MTA3: variants seen among roughly 807,000 people sequenced by gnomAD.
The protein encoded by MTA3 is metastasis-associated protein MTA3.
In MTA3, 34 loss-of-function variants were observed where a neutral mutation model predicts 83.5. The observed-to-expected ratio is 0.41, with a 90% CI of 0.31 to 0.54. The LOEUF (loss-of-function observed/expected upper bound fraction) is 0.54, where lower values mean the gene tolerates loss of function less well. Among genes scored for constraint, MTA3 ranks in the 20% least tolerant of loss-of-function variants. The probability of loss-of-function intolerance (pLI) is 0.33; values close to 1 mark genes in which losing one functional copy is unlikely to be tolerated. For missense variants in MTA3, 761 were observed against 726.4 expected, an observed-to-expected ratio of 1.05 and a Z score of -0.55; for synonymous variants, 303 against 252.7, an observed-to-expected ratio of 1.20 and a Z score of -1.89.
chr2:42,524,284 T>C (rs537298199), intron 2 of MTA3, among the ~76,000 whole-genome samples: 2 of 152,034 alleles, frequency 1.3e-5, no homozygotes, highest in East Asian at 3.9e-4. Flanking sequence ...TCAGCTTCAA[T>C]GGTTGCAACC....
At chr2:42,547,737 G>GTCTA (rs1361712218) in intron 2 of MTA3, among the ~76,000 whole-genome samples, 8 of 152,158 alleles carry the variant, frequency 5.3e-5, no homozygotes, top group Admixed American at 1.3e-4. Flanking sequence ...TTTCAATCTT[G>GTCTA]TCTATTAAGC....
chr2:42,555,086 G>A (rs1385047708), intron 2 of MTA3, among the ~76,000 whole-genome samples: 2 of 152,080 alleles, frequency 1.3e-5, no homozygotes, highest in African/African-American at 4.8e-5. Context: ...CCAGGAGGAG[G>A]AGGTTGCAGT....
intron 2 of MTA3, among the ~76,000 whole-genome samples, chr2:42,518,968 AAC>A (rs60877713): frequency 0.019 from 2,213 of 114,504 alleles, 28 homozygotes; most frequent in East Asian, 0.043. Flanking sequence ...CCTTTCTCAA[AAC>A]ACACACACAC....
chr2:42,588,135 C>G (rs575020584), intron 3 of MTA3, among the ~76,000 whole-genome samples: 5 of 152,062 alleles, frequency 3.3e-5, no homozygotes, highest in African/African-American at 4.8e-5. Flanking sequence ...GGGGCTTCCT[C>G]TCACTCCAAT....
intron 15 of MTA3, among the ~76,000 whole-genome samples, chr2:42,721,801 A>C (rs764022300): frequency 2.6e-5 from 4 of 152,214 alleles, no homozygotes; most frequent in Admixed American, 2.0e-4. Flanking sequence ...AGTGAGTCCA[A>C]GGACTTGAAA....
At chr2:42,716,636 C>T (rs1667051467) in intron 14 of MTA3, among the ~76,000 whole-genome samples, 1 of 152,186 alleles carries the variant, frequency 6.6e-6, no homozygotes, top group African/African-American at 2.4e-5. Flanking sequence ...CCAGCTCCAT[C>T]CATGTTCCTG....
In MTA3 at chr2:42,578,436, T is replaced by A. The variant is rs141533382; in HGVS notation, c.97-671T>A. Among the ~76,000 whole-genome samples the A allele has an allele frequency of 1.7e-3, 258 of 152,362 alleles. 3 individuals carry two copies. Among genetic ancestry groups the A allele is most frequent in the African/African-American group, 5.8e-3 (241 of 41,584 alleles). On this transcript the variant is annotated intron_variant, in intron 2 of 16. Transcript: ENST00000405094. ...TTGTAGCCAAAAAGAAATGAGAGTTTCAGTGTTCATAACTCAAGGTTTTTA... is the reference window on the plus strand; with the variant it reads ...TTGTAGCCAAAAAGAAATGAGAGTTACAGTGTTCATAACTCAAGGTTTTTA...
intron 16 of MTA3, among the ~76,000 whole-genome samples, chr2:42,733,730 C>T (rs184238759): frequency 2.6e-5 from 4 of 152,224 alleles, no homozygotes; most frequent in Admixed American, 2.0e-4. Context: ...AACTCCTGGA[C>T]TGAAGCAATC....
chr2:42,627,996 C>T lies in MTA3; in HGVS notation c.318-12177C>T, dbSNP rs570366221. ...GACTCCCGGGTTCAAGTGATTCTCC[C>T]GCCTCAGCCTCCTAAGTAGGTGGGA... On this transcript the variant is annotated intron_variant, in intron 4 of 16. Transcript: ENST00000405094. Among the ~76,000 whole-genome samples, 5 of 150,762 alleles carry T rather than the reference C, an allele frequency of 3.3e-5. No homozygotes were observed. In the East Asian group the frequency reaches 5.9e-4, roughly 18 times the overall value.
chr2:42,726,956 G>A (rs538846004), intron 16 of MTA3, among the ~76,000 whole-genome samples: 1 of 152,310 alleles, frequency 6.6e-6, no homozygotes, highest in South Asian at 2.1e-4. Flanking sequence ...AACTCTGGAG[G>A]CCAAAGCGGG....
exon 1 of MTA3, chr2:42,494,691 G>A (rs760517367): frequency 6.6e-6 from 1 of 152,330 alleles, no homozygotes. Flanking sequence ...ACCCTCTCGA[G>A]ATGCTGCCCT....
chr2:42,517,126 G>A (rs1231373142), intron 2 of MTA3, among the ~76,000 whole-genome samples: 1 of 151,966 alleles, frequency 6.6e-6, no homozygotes, highest in East Asian at 1.9e-4. Flanking sequence ...CGGGTGTGGT[G>A]GTGCATGCCT....
chr2:42,579,084 CT>C, intron 2 of MTA3, 22 bp from the exon 3 acceptor site: 1 of 1,530,596 alleles, frequency 6.5e-7, no homozygotes, highest in South Asian at 1.2e-5. Context: ...GTGCAAATGA[CT>C]TTTATTTTTC....
In MTA3 at chr2:42,656,201, A is replaced by T; in HGVS notation, c.501A>T (p.Gly167=). 6.2e-7 allele frequency: 1 copy of T among 1,611,492 alleles called. No homozygotes were observed. The highest frequency in any genetic ancestry group is 1.1e-5 in the South Asian group (1 of 91,012). The part of the protein sequence containing the change: ...QADIPEMLLE[G]ESDEREQSKL... ...TCCATTTTATTTATTTTTGGACAGG[A>T]GAATCAGATGAGAGGGAACAATCAA... Residue 167 remains glycine (G), a splice_region_variant and synonymous_variant, in exon 7 of 17, where the codon GGA becomes GGT. Coordinates refer to ENST00000405094, the MANE Select transcript of MTA3 (RefSeq NM_001330442.2).
chr2:42,569,215 GGGGGCCCAGCCA>G (rs1303227340), intron 1 of MTA3, among the ~76,000 whole-genome samples: 17 of 150,582 alleles, frequency 1.1e-4, no homozygotes, highest in Admixed American at 1.1e-3. Context: ...TGGGGGCGGT[GGGGGCCCAGCCA>G]GGGGCCCAGC....
chr2:42,622,874 T>A (rs976142377), intron 4 of MTA3, among the ~76,000 whole-genome samples: 5 of 152,176 alleles, frequency 3.3e-5, no homozygotes, highest in African/African-American at 1.2e-4. Context: ...CTGGAGGACT[T>A]ACGTTGCTTA....
intron 2 of MTA3, among the ~76,000 whole-genome samples, chr2:42,530,569 A>G (rs1413975574): frequency 6.6e-6 from 1 of 151,694 alleles, no homozygotes; most frequent in African/African-American, 2.4e-5. Context: ...AGATCACCTG[A>G]GGTCGGGAGT....
At chr2:42,649,276 A>T (rs1032262471) in intron 6 of MTA3, among the ~76,000 whole-genome samples, 2 of 152,086 alleles carry the variant, frequency 1.3e-5, no homozygotes, top group African/African-American at 4.8e-5. Flanking sequence ...GGGTGCCTGT[A>T]ATCTCAGCTA....
chr2:42,574,734 A>C (rs1422536517), intron 2 of MTA3, among the ~76,000 whole-genome samples: 1 of 152,136 alleles, frequency 6.6e-6, no homozygotes, highest in Non-Finnish European at 1.5e-5. Context: ...CCTAATGTTT[A>C]AATTTTTTGT....
Sources: gnomAD v4.1 joint callset for allele counts (sites outside exome capture counted in the v4.1 genomes callset) on GRCh38, gnomAD v4.1.1 for gene constraint, MANE v1.5 for transcripts, NCBI Gene and HGNC (gene_info 2026-07-23, HGNC 2026-07-21) for gene names.